The following EYA4 variants were observed in gnomAD, a reference collection of about 807,000 sequenced individuals.
The protein encoded by EYA4 is protein phosphatase EYA4.
Under a neutral mutation model 87.9 loss-of-function variants are expected in EYA4, and 31 were observed. That is an observed-to-expected ratio of 0.35 (90% CI 0.27 to 0.48). The LOEUF is 0.48. EYA4 is among the 20% of genes least tolerant of loss of function. The pLI, the probability that EYA4 is intolerant of heterozygous loss-of-function variation, is 0.99. For synonymous variants in EYA4, 263 were observed against 270.6 expected (o/e 0.97, Z 0.28); for missense variants, 678 against 761.4 (o/e 0.89, Z 1.29).
chr6:133,248,098 T>C (rs1012803029), intron 1 of EYA4: 15 of 152,194 alleles, frequency 9.9e-5, no homozygotes, highest in Non-Finnish European at 2.9e-5. Context: ...TCCCTGTGTG[T>C]AGTTACAGGT....
intron 3 of EYA4, among the ~76,000 whole-genome samples, chr6:133,438,838 C>T (rs1205437338): frequency 2.0e-5 from 3 of 151,896 alleles, no homozygotes; most frequent in Non-Finnish European, 2.9e-5. Flanking sequence ...GTCAGGAGAT[C>T]GAGATCATCC....
intron 2 of EYA4, among the ~76,000 whole-genome samples, chr6:133,380,307 C>T (rs1786075444): frequency 1.3e-5 from 2 of 152,158 alleles, no homozygotes; most frequent in Admixed American, 1.3e-4. Context: ...GTGTGGGACT[C>T]TGTGGGTACT....
At chr6:133,321,093 G>T (rs1037259936) in intron 2 of EYA4, among the ~76,000 whole-genome samples, 2 of 152,182 alleles carry the variant, frequency 1.3e-5, no homozygotes, top group African/African-American at 4.8e-5. Context: ...ATTTTTGAAT[G>T]AATGACACGT....
chr6:133,525,884 C>T (rs1800596786), intron 19 of EYA4: 1 of 984,978 alleles, frequency 1.0e-6, no homozygotes, highest in Non-Finnish European at 1.2e-6. Flanking sequence ...CCTTTTGCAC[C>T]AACTTGTCTT....
intron 3 of EYA4, among the ~76,000 whole-genome samples, chr6:133,385,432 TGTGTGTGTGAGA>T (rs1233482800): frequency 3.5e-5 from 5 of 142,908 alleles, no homozygotes; most frequent in Non-Finnish European, 7.7e-5. Flanking sequence ...TGTGTGTGTG[TGTGTGTGTGAGA>T]GAGAGAGAGA....
At chr6:133,348,473 G>A (rs1011454759) in intron 2 of EYA4, among the ~76,000 whole-genome samples, 2 of 151,646 alleles carry the variant, frequency 1.3e-5, no homozygotes, top group African/African-American at 4.8e-5. Context: ...CACCATATCG[G>A]CCAGGCTGGT....
intron 17 of EYA4, among the ~76,000 whole-genome samples, chr6:133,521,981 G>A (rs1238131747): frequency 2.0e-5 from 2 of 101,910 alleles, no homozygotes; most frequent in East Asian, 7.1e-4. Flanking sequence ...GGGGGGAGGG[G>A]GGAGGGATAG....
intron 3 of EYA4, among the ~76,000 whole-genome samples, chr6:133,436,440 T>G (rs1439489110): frequency 1.3e-5 from 2 of 152,192 alleles, no homozygotes; most frequent in African/African-American, 4.8e-5. Flanking sequence ...TATCTACATT[T>G]TTTTCTATTC....
At chr6:133,354,065 A>G (rs1456070028) in intron 2 of EYA4, among the ~76,000 whole-genome samples, 1 of 152,184 alleles carries the variant, frequency 6.6e-6, no homozygotes, top group Non-Finnish European at 1.5e-5. Context: ...CATAGCACCT[A>G]CAGTGTAGCT....
chr6:133,489,323 G>T (rs1583437027), intron 13 of EYA4, among the ~76,000 whole-genome samples: 1 of 152,078 alleles, frequency 6.6e-6, no homozygotes, highest in African/African-American at 2.4e-5. Context: ...GAGGGGTGGG[G>T]CTAGAAGGTT....
At chr6:133,525,526 T>C (rs940726378) in intron 19 of EYA4, among the ~76,000 whole-genome samples, 5 of 151,906 alleles carry the variant, frequency 3.3e-5, no homozygotes, top group Non-Finnish European at 5.9e-5. Flanking sequence ...TATAGTAACA[T>C]ATATATTTGT....
chr6:133,344,740 C>T (rs1282063938), intron 2 of EYA4, among the ~76,000 whole-genome samples: 1 of 152,072 alleles, frequency 6.6e-6, no homozygotes, highest in Non-Finnish European at 1.5e-5. Flanking sequence ...ATATAGTATA[C>T]ATAACCCAAA....
chr6:133,347,326 T>C (rs1222658453), intron 2 of EYA4, among the ~76,000 whole-genome samples: 1 of 152,240 alleles, frequency 6.6e-6, no homozygotes, highest in Admixed American at 6.5e-5. Flanking sequence ...TTTTACTTTA[T>C]TAGGTTCTTG....
intron 2 of EYA4, among the ~76,000 whole-genome samples, chr6:133,349,464 T>C (rs1222177837): frequency 1.3e-5 from 2 of 152,234 alleles, no homozygotes; most frequent in African/African-American, 4.8e-5. Context: ...AATAAACATT[T>C]GTTGAATTCA....
chr6:133,399,989 C>A (rs1017797784), intron 3 of EYA4, among the ~76,000 whole-genome samples: 1 of 152,148 alleles, frequency 6.6e-6, no homozygotes, highest in African/African-American at 2.4e-5. Context: ...AAATTTCATA[C>A]TATTTATAGG....
chr6:133,407,447 C>G (rs1219955884), intron 3 of EYA4, among the ~76,000 whole-genome samples: 1 of 152,090 alleles, frequency 6.6e-6, no homozygotes, highest in Non-Finnish European at 1.5e-5. Context: ...GTTACTCACT[C>G]ACCCCCGCCT....
At chr6:133,489,078 A>C (rs1796920700) in intron 13 of EYA4, among the ~76,000 whole-genome samples, 1 of 152,236 alleles carries the variant, frequency 6.6e-6, no homozygotes, top group Admixed American at 6.5e-5. Flanking sequence ...AAAATCAAGC[A>C]GAAATTCTGG....
chr6:133,407,737 GA>G (rs3836962), intron 3 of EYA4, among the ~76,000 whole-genome samples: 5 of 150,678 alleles, frequency 3.3e-5, no homozygotes, highest in South Asian at 2.1e-4. Flanking sequence ...TAATTTTCAG[GA>G]AAAAAAAATA....
intron 2 of EYA4, among the ~76,000 whole-genome samples, chr6:133,351,090 C>T (rs1018973358): frequency 6.6e-5 from 10 of 151,900 alleles, no homozygotes; most frequent in Non-Finnish European, 1.2e-4. Context: ...AGTGTTAAAC[C>T]TGTTTGAGAA....
Sources: allele counts gnomAD v4.1 joint callset (sites outside exome capture counted in the v4.1 genomes callset), GRCh38; gene constraint gnomAD v4.1.1; transcripts MANE v1.5; gene names NCBI Gene and HGNC (gene_info 2026-07-23, HGNC 2026-07-21).